COL5A3: variants seen among roughly 807,000 people sequenced by gnomAD.
COL5A3 encodes the protein collagen alpha-3(V) chain.
Under a neutral mutation model 250.0 loss-of-function variants are expected in COL5A3, and 172 were observed. The ratio of observed to expected loss-of-function variants is 0.69; its 90% CI spans 0.61 to 0.78. COL5A3 has a LOEUF of 0.78. COL5A3 is among the 30% of genes least tolerant of loss of function. The pLI is 0.00. For missense variants in COL5A3, 2,340 were observed against 2,334.4 expected (o/e 1.00, Z -0.05); for synonymous variants, 937 against 900.4 (o/e 1.04, Z -0.73).
At chr19:9,992,090 C>G (rs1408298267) in intron 21 of COL5A3, 42 bp from the exon 22 acceptor site, 1 of 1,589,100 alleles carries the variant, frequency 6.3e-7, no homozygotes, top group African/African-American at 1.3e-5. Context: ...GAGCAACAAG[C>G]TGGGAGCCTG....
rs1325469560 is a variant in COL5A3, at chr19:9,996,600, C to T, written c.1338+15G>A. ...CTCCACTCCCCAAGGCTGGGCCACT[C>T]CATCTCCTTCTTACCGGCATCATGA... On this transcript the variant is annotated intron_variant, in intron 12 of 66. Transcript: ENST00000264828. The T allele has an allele frequency of 2.5e-6, 4 of 1,613,972 alleles. No individual in the cohort carries two copies. Among genetic ancestry groups the T allele is most frequent in the Middle Eastern group, 1.7e-4 (1 of 6,052 alleles).
intron 27 of COL5A3, among the ~76,000 whole-genome samples, chr19:9,987,255 A>C (rs8101390): frequency 0.37 from 55,951 of 152,052 alleles, 11,521 homozygotes; most frequent in African/African-American, 0.56. Flanking sequence ...GCTACAATGA[A>C]ATTGCGCTTG....
At position 9,968,889 on chromosome 19, in the gene COL5A3, A is replaced by T; in HGVS notation, c.4153-161T>A. ...CAGAGTAGGCCACCAAGGTGGGATG[A>T]TGAGAGCTAATGAGGGGTTGACTGG... On this transcript the variant is annotated intron_variant, in intron 57 of 66. Coordinates refer to ENST00000264828, the MANE Select transcript of COL5A3 (RefSeq NM_015719.4). This position sits in a 1 kb window ranked among gnomAD's most constrained non-coding sequence, Gnocchi z 4.1. The T allele has an allele frequency of 1.5e-6, 1 of 680,494 alleles. No individual in the cohort carries two copies. Among genetic ancestry groups the T allele is most frequent in the Non-Finnish European group, 2.6e-6 (1 of 390,850 alleles). 42.2% of individuals were successfully genotyped at this position (680,494 alleles called of 1,614,324 possible).
At chr19:9,969,277 C>CTCACTAGGTGG (rs911961306) in intron 57 of COL5A3, 72 bp downstream of exon 57, 1 of 1,338,026 alleles carries the variant, frequency 7.5e-7, no homozygotes, top group Admixed American at 2.2e-5. Context: ...TGCACCAATG[C>CTCACTAGGTGG]TCACTAGGTG....
At chr19:9,967,647 T>C (rs573325584) in intron 61 of COL5A3, 1 of 558,914 alleles carries the variant, frequency 1.8e-6, no homozygotes. Context: ...AATCAGCTTC[T>C]TAACATCTTT....
chr19:10,003,638 C>A lies in COL5A3; in HGVS notation c.776G>T (p.Arg259Leu), dbSNP rs763735614. 5 of 1,614,056 alleles carry A rather than the reference C, an allele frequency of 3.1e-6. 1 individual carries two copies. Among genetic ancestry groups the A allele is most frequent in the East Asian group, 4.5e-5 (2 of 44,900 alleles). Reference sequence around the variant, plus strand: ...GTTCTTTTTCCTGCCCTTCCCCTTGCGACCTCGCCCTTTCTTCCTCCCTTT... The same window carrying A: ...GTTCTTTTTCCTGCCCTTCCCCTTGAGACCTCGCCCTTTCTTCCTCCCTTT... ...KGKGRKKGRG[R>L]KGKGRKKNKE... is the part of the protein sequence containing the mutation. The change falls in exon 6 of 67, where the codon CGC (arginine) becomes CTC (leucine). Residue 259 changes from arginine (R) to leucine (L), a missense_variant. By Grantham distance (102) the Arg-to-Leu change is moderately radical (BLOSUM62 -2). This residue lies in a region of COL5A3 where 1,152 missense variants were observed against 1,146.3 expected (regional missense o/e 1.00). Coordinates refer to ENST00000264828, the MANE Select transcript of COL5A3 (RefSeq NM_015719.4).
chr19:9,990,189 T>A (rs1186470936), intron 24 of COL5A3, among the ~76,000 whole-genome samples: 1 of 148,212 alleles, frequency 6.7e-6, no homozygotes, highest in Non-Finnish European at 1.5e-5. Context: ...AGGTCAGGAG[T>A]TCAAGACCAG....
chr19:10,003,513 GACCGGAAGTCAGGTGGTCAAA>G, intron 6 of COL5A3, 31 bp downstream of exon 6: 1 of 1,580,488 alleles, frequency 6.3e-7, no homozygotes, highest in South Asian at 1.1e-5. Flanking sequence ...AGACAGTCAA[GACCGGAAGTCAGGTGGTCAAA>G]ACCGGAAGTG....
rs573860973 is a variant in COL5A3 at position 9,995,598 on chromosome 19, C to G, written c.1553G>C (p.Gly518Ala). ...EGPQGPRGLQ[G>A]PHGPPGRVGK... ...CACTCGGCCAGGGGGTCCATGAGGTCCCTGCAGGCCTCGGGGACCCTAGAA... is the reference window on the plus strand; with the variant it reads ...CACTCGGCCAGGGGGTCCATGAGGTGCCTGCAGGCCTCGGGGACCCTAGAA... The change falls in exon 16 of 67, where the codon GGA becomes GCA. Residue 518 changes from glycine to alanine, a missense_variant. This residue lies in a region of COL5A3 where 1,152 missense variants were observed against 1,146.3 expected (regional missense o/e 1.00). Coordinates refer to ENST00000264828, the MANE Select transcript of COL5A3 (RefSeq NM_015719.4). 4 of 1,601,726 alleles carry G rather than the reference C, an allele frequency of 2.5e-6. No individual in the cohort carries two copies. The highest frequency in any genetic ancestry group is 2.6e-6 in the Non-Finnish European group (3 of 1,174,122).
In COL5A3 at chr19:9,966,645, G is replaced by A. The variant is rs1450943304; in HGVS notation, c.4560C>T (p.Leu1520=). ...EGGLEEVLAS[L]TSLSLELEQL... is the part of the protein sequence containing the mutation. ...GCTCCAGCTCCAAGCTCAGCGATGT[G>A]AGCGAGGCCAGCACCTCCTCCAGGC... Residue 1520 remains leucine, a synonymous_variant, in exon 63 of 67, where the codon CTC becomes CTT. Coordinates refer to ENST00000264828, the MANE Select transcript of COL5A3 (RefSeq NM_015719.4). 2.6e-6 allele frequency: 4 copies of A among 1,538,276 alleles called. No individual in the cohort carries two copies. The highest frequency in any genetic ancestry group is 2.6e-6 in the Non-Finnish European group (3 of 1,147,154).
intron 8 of COL5A3, among the ~76,000 whole-genome samples, chr19:9,998,804 C>T (rs1281612731): frequency 1.3e-5 from 2 of 152,022 alleles, no homozygotes; most frequent in Non-Finnish European, 2.9e-5. Flanking sequence ...CCTGCCTCAG[C>T]CTCCCCAGTA....
Position 9,989,368 on chromosome 19 carries a change from T to A in COL5A3, c.2047-2A>T. On this transcript the variant is annotated splice_acceptor_variant, in intron 25 of 66. Coordinates refer to ENST00000264828, the MANE Select transcript of COL5A3 (RefSeq NM_015719.4). LOFTEE classifies it high-confidence loss of function. ...GGGGCCCTCATGTCCTGGGTGACCC[T>A]GGGGAAGAAACATTCTCAGTTGTCA... 1 of 1,614,172 alleles carries A rather than the reference T, an allele frequency of 6.2e-7. No individual in the cohort carries two copies. The highest frequency in any genetic ancestry group is 8.5e-7 in the Non-Finnish European group (1 of 1,179,996).
intron 1 of COL5A3, among the ~76,000 whole-genome samples, chr19:10,007,704 G>A (rs567297076): frequency 6.6e-5 from 10 of 152,272 alleles, no homozygotes; most frequent in South Asian, 2.1e-4. Context: ...GGGGCGGGGG[G>A]GCTAAGACGT....
chr19:9,979,966 A>C, intron 36 of COL5A3, 28 bp downstream of exon 36: 1 of 1,577,318 alleles, frequency 6.3e-7, no homozygotes, highest in Non-Finnish European at 8.6e-7. Flanking sequence ...CCACCCACCC[A>C]ACCCCCAATG....
chr19:9,987,117 G>A (rs2087112052), intron 27 of COL5A3, among the ~76,000 whole-genome samples: 1 of 152,206 alleles, frequency 6.6e-6, no homozygotes, highest in African/African-American at 2.4e-5. Flanking sequence ...GCTACAAGGC[G>A]ACTCTGTGCT....
At chr19:9,966,251 T>C (rs1224046941) in intron 64 of COL5A3, 63 bp downstream of exon 64, 3 of 1,224,948 alleles carry the variant, frequency 2.4e-6, no homozygotes, top group Non-Finnish European at 3.5e-6. Context: ...AAGGTGGTTG[T>C]GGGTGTGGGG....
chr19:10,008,511 C>A (rs183662219), intron 1 of COL5A3, among the ~76,000 whole-genome samples: 1 of 152,076 alleles, frequency 6.6e-6, no homozygotes, highest in Non-Finnish European at 1.5e-5. Flanking sequence ...AGGGCCCCCA[C>A]GGGGATGTTG....
chr19:9,982,121 G>A lies in COL5A3; in HGVS notation c.2407-3C>T, dbSNP rs368846491. On this transcript the variant is annotated splice_polypyrimidine_tract_variant and splice_region_variant and intron_variant, in intron 31 of 66. Transcript: ENST00000264828. ...GGACCGGGAAATCCAATAGATCCCT[G>A]AGTGGAGAGAATTAGAAAGAAGACA... 1.9e-6 allele frequency: 3 copies of A among 1,594,540 alleles called. No individual in the cohort carries two copies. The African/African-American group carries it at 4.1e-5, about 22-fold the overall frequency.
At position 10,006,380 on chromosome 19, in the gene COL5A3, G is replaced by A. The variant is rs775605873; in HGVS notation, c.89-149C>T. 4.9e-5 allele frequency: 36 copies of A among 737,482 alleles called. No homozygotes were observed. The Middle Eastern group carries it at 1.2e-3, about 24-fold the overall frequency. The allele number at this position is 737,482 out of a possible 1,614,324, so 45.7% of individuals were successfully genotyped here. A position where few individuals can be genotyped will look rare whatever the true frequency, so the allele number is the denominator to read the frequency against. ...GTTTGTGGCTCAGGAAGAAGGAGCC[G>A]GCCTGGGCCCCCAGCACCCCCCGCC... On this transcript the variant is annotated intron_variant, in intron 1 of 66. Transcript: ENST00000264828.
Sources: gnomAD v4.1 joint callset for allele counts (sites outside exome capture counted in the v4.1 genomes callset) on GRCh38, gnomAD v4.1.1 for gene constraint, gnomAD v4.1.1 regional missense constraint, Gnocchi (gnomAD v3.1) non-coding constraint, MANE v1.5 for transcripts, NCBI Gene and HGNC (gene_info 2026-07-23, HGNC 2026-07-21) for gene names.